FRMPD4: variants seen among roughly 807,000 people sequenced by gnomAD.
FRMPD4 encodes the protein FERM and PDZ domain-containing protein 4.
Under a neutral mutation model 94.1 loss-of-function variants are expected in FRMPD4, and 22 were observed. That is an observed-to-expected ratio of 0.23 (90% confidence interval 0.17 to 0.33). The LOEUF is 0.33. Among genes scored for constraint, FRMPD4 ranks in the 10% least tolerant of loss-of-function variants. FRMPD4 has a pLI of 1.00. For synonymous variants in FRMPD4, 631 were observed against 548.6 expected (o/e 1.15, Z -2.10); for missense variants, 1,111 against 1,339.9 (o/e 0.83, Z 2.67).
intron 10 of FRMPD4, among the ~76,000 whole-genome samples, chrX:12,703,269 T>G (rs1028354514): frequency 2.7e-5 from 3 of 112,557 alleles, no homozygotes; most frequent in Non-Finnish European, 5.6e-5. Flanking sequence ...GAGGAACTTG[T>G]GGTCTGATTG....
At chrX:12,202,398 G>A (rs773267610) in intron 1 of FRMPD4, among the ~76,000 whole-genome samples, 2 of 111,956 alleles carry the variant, frequency 1.8e-5, no homozygotes, top group East Asian at 5.6e-4. Context: ...GGTGTGAGTG[G>A]TTATGTAAGC....
At chrX:12,713,102 A>T (rs2042016755) in intron 14 of FRMPD4, among the ~76,000 whole-genome samples, 1 of 108,194 alleles carries the variant, frequency 9.2e-6, no homozygotes, top group African/African-American at 3.3e-5. Context: ...AAAAAAAAAG[A>T]AAAGTAAAGA....
At chrX:12,620,632 CT>C (rs2059279407) in intron 4 of FRMPD4, among the ~76,000 whole-genome samples, 1 of 112,239 alleles carries the variant, frequency 8.9e-6, no homozygotes, top group Non-Finnish European at 1.9e-5. Flanking sequence ...TCCCAAGGCT[CT>C]GGAAATAGGC....
chrX:12,041,343 A>G (rs1429772071), intron 3 of FRMPD4, among the ~76,000 whole-genome samples: 1 of 112,200 alleles, frequency 8.9e-6, no homozygotes, highest in Non-Finnish European at 1.9e-5. Context: ...TATTTCTTTT[A>G]AGGTAGATCT....
intron 3 of FRMPD4, among the ~76,000 whole-genome samples, chrX:11,915,239 G>A (rs995367138): frequency 1.8e-5 from 2 of 112,541 alleles, no homozygotes; most frequent in Non-Finnish European, 3.8e-5. Flanking sequence ...AGATTGCTTT[G>A]TGAGCTTTTA....
At chrX:12,436,007 TTTTA>T (rs2057062180) in intron 1 of FRMPD4, among the ~76,000 whole-genome samples, 1 of 111,649 alleles carries the variant, frequency 9.0e-6, no homozygotes, top group Non-Finnish European at 1.9e-5. Context: ...TATGTCCCTC[TTTTA>T]TTTTCTTTTT....
intron 2 of FRMPD4, among the ~76,000 whole-genome samples, chrX:12,602,800 A>G (rs12556290): frequency 0.13 from 14,989 of 111,304 alleles, 1,088 homozygotes; most frequent in African/African-American, 0.27. Flanking sequence ...TACCTTGAGA[A>G]GGCCTTCTTG....
intron 1 of FRMPD4, among the ~76,000 whole-genome samples, chrX:12,454,815 G>GTGT (rs1555968592): frequency 1.1e-5 from 1 of 92,514 alleles, no homozygotes; most frequent in Non-Finnish European, 2.1e-5. Context: ...AGAAAGCCAC[G>GTGT]TTTTTTTTTT....
At position 12,251,787 on chromosome X, in the gene FRMPD4, G is replaced by A. The variant is rs966499098; in HGVS notation, c.41+112775G>A. 7.1e-5 allele frequency among the ~76,000 whole-genome samples: 8 copies of A among 111,902 alleles called. No homozygotes were observed. In the Admixed American group the frequency reaches 7.6e-4, roughly 11 times the overall value. ...AGCACTGACACCAACACAGCAAGTT[G>A]CATGTGGCTGTGTTGCCTACTGTCT... is the stretch of plus-strand genomic sequence containing the variant. On this transcript the variant is annotated intron_variant, in intron 1 of 16. Coordinates refer to ENST00000675598, the MANE Select transcript of FRMPD4 (RefSeq NM_001368397.1).
chrX:12,379,665 G>GTA (rs2148019715), intron 1 of FRMPD4, among the ~76,000 whole-genome samples: 1 of 108,646 alleles, frequency 9.2e-6, no homozygotes. Context: ...GTGTGTGTGT[G>GTA]TGTGTGTGTG....
At chrX:12,712,933 C>A (rs7884472) in intron 14 of FRMPD4, among the ~76,000 whole-genome samples, 2,686 of 110,362 alleles carry the variant, frequency 0.024, 100 homozygotes, top group African/African-American at 0.084. Flanking sequence ...TAAAAACTAG[C>A]CAGGTGTGGT....
intron 1 of FRMPD4, among the ~76,000 whole-genome samples, chrX:12,272,180 A>G (rs2054364607): frequency 8.9e-6 from 1 of 112,288 alleles, no homozygotes; most frequent in African/African-American, 3.2e-5. Context: ...CCTGGCACAT[A>G]ATAAGCACTC....
At chrX:12,011,100 G>A (rs1261317113) in intron 3 of FRMPD4, among the ~76,000 whole-genome samples, 1 of 112,438 alleles carries the variant, frequency 8.9e-6, no homozygotes, top group Non-Finnish European at 1.9e-5. Context: ...ATACTAAGCT[G>A]TAGTTGTTAG....
intron 3 of FRMPD4, among the ~76,000 whole-genome samples, chrX:12,052,983 C>G (rs1264830570): frequency 9.0e-6 from 1 of 111,075 alleles, no homozygotes; most frequent in Non-Finnish European, 1.9e-5. Context: ...TTGGATCACG[C>G]TCTCTCTAGC....
chrX:11,911,209 G>A (rs2053995220), intron 3 of FRMPD4, among the ~76,000 whole-genome samples: 1 of 112,546 alleles, frequency 8.9e-6, no homozygotes, highest in Admixed American at 9.4e-5. Context: ...TGGTGGATCT[G>A]ATTTGGCCTT....
chrX:12,705,196 C>G (rs1569064700), intron 11 of FRMPD4, among the ~76,000 whole-genome samples: 1 of 111,912 alleles, frequency 8.9e-6, no homozygotes, highest in African/African-American at 3.2e-5. Context: ...TCTTTTTATG[C>G]TTTTGTTTTT....
intron 1 of FRMPD4, among the ~76,000 whole-genome samples, chrX:12,360,157 A>C (rs781672234): frequency 8.9e-6 from 1 of 112,607 alleles, no homozygotes; most frequent in South Asian, 3.8e-4. Flanking sequence ...TACTGTACAT[A>C]CTGCACTATA....
chrX:11,950,456 G>C (rs2147364498), intron 3 of FRMPD4, among the ~76,000 whole-genome samples: 1 of 111,517 alleles, frequency 9.0e-6, no homozygotes, highest in East Asian at 2.8e-4. Context: ...AAAATTTCCA[G>C]TATACAACAC....
chrX:12,175,886 T>C (rs1228169869), intron 1 of FRMPD4, among the ~76,000 whole-genome samples: 3 of 111,913 alleles, frequency 2.7e-5, no homozygotes, highest in Non-Finnish European at 5.6e-5. Flanking sequence ...TGTGTCTAGA[T>C]GACTGGTTCT....
Sources: gnomAD v4.1 joint callset for allele counts (sites outside exome capture counted in the v4.1 genomes callset) on GRCh38, gnomAD v4.1.1 for gene constraint, MANE v1.5 for transcripts, NCBI Gene and HGNC (gene_info 2026-07-23, HGNC 2026-07-21) for gene names.